The following ARGLU1 variants were observed in gnomAD, a reference collection of about 807,000 sequenced individuals.
The protein encoded by ARGLU1 is arginine and glutamate rich 1.
A neutral mutation model predicts 37.6 loss-of-function variants in ARGLU1; 9 were observed. The ratio of observed to expected loss-of-function variants is 0.24; its 90% CI spans 0.14 to 0.42. The LOEUF (loss-of-function observed/expected upper bound fraction) is 0.42, where lower values mean the gene tolerates loss of function less well. ARGLU1 is among the 10% of genes least tolerant of loss of function. The pLI is 1.00. For synonymous variants in ARGLU1, 166 were observed against 138.5 expected (o/e 1.20, Z -1.39); for missense variants, 211 against 359.2 (o/e 0.59, Z 3.34).
chr13:106,543,954 A>C lies in ARGLU1; in HGVS notation c.*42T>G. ...ACTTCAACATGAAGCTACCATACAA[A>C]GTTTTTCCATTTTTCTTTGTAAAAA... On this transcript the variant is annotated 3_prime_UTR_variant, in exon 4 of 4. Transcript: ENST00000400198. 6.5e-7 allele frequency: 1 copy of C among 1,536,476 alleles called. No homozygotes were observed. Among genetic ancestry groups the C allele is most frequent in the Non-Finnish European group, 8.7e-7 (1 of 1,149,986 alleles).
At chr13:106,560,493 T>C (rs1419083458) in intron 1 of ARGLU1, among the ~76,000 whole-genome samples, 1 of 152,234 alleles carries the variant, frequency 6.6e-6, no homozygotes, top group South Asian at 2.1e-4. Context: ...ACCAGTCATA[T>C]GTGTCTGGTC....
intron 3 of ARGLU1, among the ~76,000 whole-genome samples, chr13:106,551,057 G>A (rs956940558): frequency 7.2e-5 from 11 of 152,070 alleles, no homozygotes; most frequent in South Asian, 4.1e-4. Context: ...GAGATAGTAC[G>A]GGAACCTATG....
At chr13:106,566,504 G>A (rs1274999074) in intron 1 of ARGLU1, among the ~76,000 whole-genome samples, 1 of 152,200 alleles carries the variant, frequency 6.6e-6, no homozygotes, top group Non-Finnish European at 1.5e-5. Context: ...GTTCAATAGG[G>A]AGTTAGTAGG....
intron 2 of ARGLU1, chr13:106,558,580 T>C (rs957667275): frequency 1.0e-6 from 1 of 985,452 alleles, no homozygotes; most frequent in Non-Finnish European, 1.2e-6. Context: ...AGTGTTTCAG[T>C]GACTTTCACC....
intron 3 of ARGLU1, among the ~76,000 whole-genome samples, chr13:106,556,713 G>GT (rs1566473519): frequency 6.6e-6 from 1 of 152,158 alleles, no homozygotes; most frequent in Non-Finnish European, 1.5e-5. Context: ...ATTATAGTTG[G>GT]TTTAAATATA....
In ARGLU1 at chr13:106,557,042, A is replaced by G; in HGVS notation, c.657+6T>C. On this transcript the variant is annotated splice_donor_region_variant and intron_variant, in intron 3 of 3. Transcript: ENST00000400198. The surrounding 1 kb of genome is among the most constrained non-coding windows in gnomAD (Gnocchi z 5.0). ...AAAACACTTTTCATGTATGCTTTAC[A>G]CTTACCAGTTTGGCTTGTGCTTCTG... 2 of 1,610,256 alleles carry G rather than the reference A, an allele frequency of 1.2e-6. No homozygotes were observed. The highest frequency in any genetic ancestry group is 1.7e-6 in the Non-Finnish European group (2 of 1,176,570).
chr13:106,550,022 TTC>T (rs887379968), intron 3 of ARGLU1, among the ~76,000 whole-genome samples: 5 of 152,210 alleles, frequency 3.3e-5, no homozygotes, highest in African/African-American at 9.6e-5. Context: ...GTATCCTACA[TTC>T]TCTCTTTTTA....
intron 3 of ARGLU1, among the ~76,000 whole-genome samples, chr13:106,555,675 A>G (rs368060670): frequency 6.6e-6 from 1 of 152,206 alleles, no homozygotes; most frequent in Non-Finnish European, 1.5e-5. Context: ...TTTTCCAGTG[A>G]TCACACACCG....
In ARGLU1 at chr13:106,555,562, T is replaced by C. The variant is rs555133441; in HGVS notation, c.657+1486A>G. On this transcript the variant is annotated intron_variant, in intron 3 of 3. Transcript: ENST00000400198. The stretch of plus-strand genomic sequence containing the variant: ...TCATTTTTCTAGTAATTCATCTTAA[T>C]TGTATTTTGCGAAAGTAGAGGTCTG... Among the ~76,000 whole-genome samples the C allele has an allele frequency of 5.3e-5, 8 of 152,306 alleles. 1 individual carries two copies. In the East Asian group the frequency reaches 7.7e-4, roughly 15 times the overall value.
At position 106,543,842 on chromosome 13, in the gene ARGLU1, AGG is replaced by A; in HGVS notation, c.*152_*153del. ...AGTGGAAGGAAAAAAAAAAAAAAAA[AGG>A]GAATTGCAGAGCATAGCCCCTATTA... is the stretch of plus-strand genomic sequence containing the variant. On this transcript the variant is annotated 3_prime_UTR_variant, in exon 4 of 4. Coordinates refer to ENST00000400198, the MANE Select transcript of ARGLU1 (RefSeq NM_018011.4). 2 of 542,422 alleles carry A rather than the reference AGG, an allele frequency of 3.7e-6. No homozygotes were observed. The highest frequency in any genetic ancestry group is 3.6e-5 in the East Asian group (1 of 27,988). The allele number at this position is 542,422 out of a possible 1,614,324, so 33.6% of individuals were successfully genotyped here. A position where few individuals can be genotyped will look rare whatever the true frequency, so the allele number is the denominator to read the frequency against.
chr13:106,563,157 G>C (rs1477732568), intron 1 of ARGLU1, among the ~76,000 whole-genome samples: 1 of 152,040 alleles, frequency 6.6e-6, no homozygotes, highest in Non-Finnish European at 1.5e-5. Flanking sequence ...AATCCTAGGG[G>C]TTTACTTCTA....
At chr13:106,559,387 G>A (rs2138973107) in intron 2 of ARGLU1, 45 bp downstream of exon 2, 1 of 1,609,864 alleles carries the variant, frequency 6.2e-7, no homozygotes, top group East Asian at 2.2e-5. Flanking sequence ...AACACTGAAA[G>A]TTTTGCCATG....
intron 3 of ARGLU1, among the ~76,000 whole-genome samples, chr13:106,546,740 G>A (rs563506046): frequency 6.6e-6 from 1 of 152,162 alleles, no homozygotes; most frequent in African/African-American, 2.4e-5. Context: ...TCAACCCTAG[G>A]AAAGCATCCT....
intron 3 of ARGLU1, among the ~76,000 whole-genome samples, chr13:106,545,701 G>A (rs977045024): frequency 4.6e-5 from 7 of 152,192 alleles, no homozygotes; most frequent in African/African-American, 7.2e-5. Flanking sequence ...AGGGAAGAAC[G>A]CAAAGAAGTT....
intron 3 of ARGLU1, among the ~76,000 whole-genome samples, chr13:106,551,751 G>A (rs114150069): frequency 1.8e-4 from 28 of 152,264 alleles, no homozygotes; most frequent in African/African-American, 6.7e-4. Context: ...TGGTGGCTGC[G>A]AGGATTCCTT....
chr13:106,564,615 A>G (rs1880909377), intron 1 of ARGLU1, among the ~76,000 whole-genome samples: 1 of 152,154 alleles, frequency 6.6e-6, no homozygotes, highest in Non-Finnish European at 1.5e-5. Flanking sequence ...AACTGCAAAT[A>G]CAGGCATGTC....
At position 106,542,926 on chromosome 13, in the gene ARGLU1, T is replaced by C. The variant is rs1167635865; in HGVS notation, c.*1070A>G. 6.6e-6 allele frequency: 1 copy of C among 152,092 alleles called. No homozygotes were observed. The highest frequency in any genetic ancestry group is 1.5e-5 in the Non-Finnish European group (1 of 67,948). 9.4% of individuals were successfully genotyped at this position (152,092 alleles called of 1,614,324 possible). A position where few individuals can be genotyped will look rare whatever the true frequency, so the allele number is the denominator to read the frequency against. On this transcript the variant is annotated 3_prime_UTR_variant, in exon 4 of 4. Transcript: ENST00000400198. Reference sequence around the variant, plus strand: ...AATGACTCGACCATCTTAGCCTTTTTTTGACAGTATAAAGCTAAGTTCTTT... The same window carrying C: ...AATGACTCGACCATCTTAGCCTTTTCTTGACAGTATAAAGCTAAGTTCTTT...
At chr13:106,560,333 CATG>C (rs760690381) in intron 1 of ARGLU1, among the ~76,000 whole-genome samples, 128 of 152,226 alleles carry the variant, frequency 8.4e-4, no homozygotes, top group African/African-American at 1.9e-3. Context: ...TTCAATAAAG[CATG>C]ATACTACAGT....
At chr13:106,546,444 T>A (rs915891846) in intron 3 of ARGLU1, among the ~76,000 whole-genome samples, 1 of 152,246 alleles carries the variant, frequency 6.6e-6, no homozygotes, top group Non-Finnish European at 1.5e-5. Context: ...TCTTTCCTTC[T>A]ATGGAAATCC....
Sources: gnomAD v4.1 joint callset for allele counts (sites outside exome capture counted in the v4.1 genomes callset) on GRCh38, gnomAD v4.1.1 for gene constraint, Gnocchi (gnomAD v3.1) non-coding constraint, MANE v1.5 for transcripts, NCBI Gene and HGNC (gene_info 2026-07-23, HGNC 2026-07-21) for gene names.